ADAMTSL1: variants seen among roughly 807,000 people sequenced by gnomAD.
The protein encoded by ADAMTSL1 is ADAMTS like 1.
In ADAMTSL1, 126 loss-of-function variants were observed where a neutral mutation model predicts 201.8. The ratio of observed to expected loss-of-function variants is 0.62; its 90% CI spans 0.54 to 0.72. ADAMTSL1 has a LOEUF of 0.72. ADAMTSL1 is among the 30% of genes least tolerant of loss of function. The pLI is 0.00. For synonymous variants in ADAMTSL1, 1,121 were observed against 903.4 expected, an observed-to-expected ratio of 1.24 and a Z score of -4.32; for missense variants, 2,679 against 2,277.8, an observed-to-expected ratio of 1.18 and a Z score of -3.59.
intron 2 of ADAMTSL1, among the ~76,000 whole-genome samples, chr9:18,311,438 G>A (rs1393019502): frequency 6.6e-6 from 1 of 152,100 alleles, no homozygotes; most frequent in East Asian, 1.9e-4. Flanking sequence ...GCACGTCAAT[G>A]TGTTTTCCAC....
intron 1 of ADAMTSL1, among the ~76,000 whole-genome samples, chr9:17,916,517 C>T (rs1346411393): frequency 2.0e-5 from 3 of 152,028 alleles, no homozygotes; most frequent in East Asian, 1.9e-4. Flanking sequence ...GATCAAAGTT[C>T]GTTTTTTGGC....
At chr9:17,987,427 A>G (rs558023057) in intron 1 of ADAMTSL1, among the ~76,000 whole-genome samples, 3 of 152,254 alleles carry the variant, frequency 2.0e-5, no homozygotes, top group East Asian at 3.9e-4. Context: ...GTTTTATTGC[A>G]TTGGTTGAAC....
intron 9 of ADAMTSL1, among the ~76,000 whole-genome samples, chr9:18,670,259 A>G (rs1587850847): frequency 6.6e-6 from 1 of 152,246 alleles, no homozygotes. Context: ...TGTCCAGGGC[A>G]GGTTGAGTTG....
intron 1 of ADAMTSL1, among the ~76,000 whole-genome samples, chr9:18,082,315 A>G (rs922331983): frequency 6.6e-6 from 1 of 152,154 alleles, no homozygotes; most frequent in Non-Finnish European, 1.5e-5. Context: ...CCGCTGACCT[A>G]GATAGATTAA....
intron 1 of ADAMTSL1, among the ~76,000 whole-genome samples, chr9:17,909,082 C>T (rs1328299639): frequency 6.7e-6 from 1 of 148,860 alleles, no homozygotes; most frequent in African/African-American, 2.5e-5. Context: ...TGATGGTGAG[C>T]ATTTTTTCAT....
At chr9:18,500,836 T>A (rs1262977384) in intron 1 of ADAMTSL1, among the ~76,000 whole-genome samples, 4 of 152,128 alleles carry the variant, frequency 2.6e-5, no homozygotes, top group Admixed American at 2.0e-4. Context: ...ATAAAGAACT[T>A]AATAGTTGTT....
intron 1 of ADAMTSL1, among the ~76,000 whole-genome samples, chr9:17,922,814 C>A (rs1826361113): frequency 6.6e-6 from 1 of 152,086 alleles, no homozygotes; most frequent in African/African-American, 2.4e-5. Context: ...TTTAAAGTGT[C>A]TTTATTTGTA....
At chr9:18,396,385 G>A (rs973858859) in intron 2 of ADAMTSL1, among the ~76,000 whole-genome samples, 1 of 151,722 alleles carries the variant, frequency 6.6e-6, no homozygotes, top group Non-Finnish European at 1.5e-5. Context: ...TAAGTCTCTT[G>A]TGCTGCAGTT....
chr9:18,565,465 C>A (rs1295516887), intron 3 of ADAMTSL1, among the ~76,000 whole-genome samples: 4 of 151,310 alleles, frequency 2.6e-5, no homozygotes, highest in Non-Finnish European at 5.9e-5. Flanking sequence ...TAAAAGAAAT[C>A]TGTAAACCTT....
intron 1 of ADAMTSL1, among the ~76,000 whole-genome samples, chr9:17,962,012 A>G (rs1817777086): frequency 6.6e-6 from 1 of 152,216 alleles, no homozygotes; most frequent in African/African-American, 2.4e-5. Flanking sequence ...CAGCAGGAAG[A>G]TTTGATTATC....
intron 1 of ADAMTSL1, among the ~76,000 whole-genome samples, chr9:17,925,408 A>G (rs1049175365): frequency 0.015 from 1,598 of 109,404 alleles, 220 homozygotes; most frequent in African/African-American, 0.048. Context: ...ATGCACACGT[A>G]TGTTTATTGC....
chr9:18,709,860 G>A (rs1450084112), intron 14 of ADAMTSL1, among the ~76,000 whole-genome samples: 1 of 152,182 alleles, frequency 6.6e-6, no homozygotes, highest in Non-Finnish European at 1.5e-5. Flanking sequence ...AGCAAAAATG[G>A]AAGATGAAGC....
chr9:18,065,985 CAAAAAAAAAAAAAAAA>C (rs34179730), intron 1 of ADAMTSL1, among the ~76,000 whole-genome samples: 5 of 38,100 alleles, frequency 1.3e-4, no homozygotes, highest in South Asian at 1.7e-3. Flanking sequence ...GACTCCATCT[CAAAAAAAAAAAAAAAA>C]AAAAAAAAAA....
At chr9:18,170,045 A>G (rs1192598338) in intron 2 of ADAMTSL1, among the ~76,000 whole-genome samples, 1 of 152,020 alleles carries the variant, frequency 6.6e-6, no homozygotes, top group African/African-American at 2.4e-5. Context: ...TTACAAAGAA[A>G]AAATCAGAAC....
chr9:18,808,282 T>TA (rs1823288399), intron 20 of ADAMTSL1, among the ~76,000 whole-genome samples: 1 of 152,222 alleles, frequency 6.6e-6, no homozygotes, highest in Non-Finnish European at 1.5e-5. Flanking sequence ...GGACTCAAAA[T>TA]ATATGCTAAC....
intron 2 of ADAMTSL1, among the ~76,000 whole-genome samples, chr9:18,510,866 G>T (rs896513849): frequency 6.6e-6 from 1 of 151,936 alleles, no homozygotes; most frequent in Non-Finnish European, 1.5e-5. Context: ...CCTCTCTCCA[G>T]TTCTTCACCC....
chr9:17,934,601 C>T (rs1826927877), intron 1 of ADAMTSL1, among the ~76,000 whole-genome samples: 1 of 152,170 alleles, frequency 6.6e-6, no homozygotes, highest in Non-Finnish European at 1.5e-5. Context: ...CATTCTCCCA[C>T]TTCCTTGGAT....
At chr9:18,889,198 G>A (rs1477242800) in intron 24 of ADAMTSL1, among the ~76,000 whole-genome samples, 1 of 152,166 alleles carries the variant, frequency 6.6e-6, no homozygotes, top group Non-Finnish European at 1.5e-5. Flanking sequence ...ACTTTCTGGT[G>A]AACCAATGAG....
intron 2 of ADAMTSL1, among the ~76,000 whole-genome samples, chr9:18,194,461 G>T (rs766452713): frequency 1.2e-4 from 19 of 152,116 alleles, no homozygotes; most frequent in African/African-American, 4.6e-4. Flanking sequence ...GGTCCCCTGC[G>T]CTGGTCCTCC....
Sources: gnomAD v4.1 joint callset for allele counts (sites outside exome capture counted in the v4.1 genomes callset) on GRCh38, gnomAD v4.1.1 for gene constraint, MANE v1.5 for transcripts, NCBI Gene and HGNC (gene_info 2026-07-23, HGNC 2026-07-21) for gene names.